PARP14: variants seen among roughly 807,000 people sequenced by gnomAD.
PARP14 encodes the protein poly(ADP-ribose) polymerase family member 14, also known as protein mono-ADP-ribosyltransferase PARP14.
In PARP14, 59 loss-of-function variants were observed where a neutral mutation model predicts 154.2. That is an observed-to-expected ratio of 0.38 (90% CI 0.31 to 0.48). PARP14 has a LOEUF of 0.48. Ranked by LOEUF, PARP14 falls within the 20% of genes least tolerant of loss-of-function variation. The pLI, the probability that PARP14 is intolerant of heterozygous loss-of-function variation, is 0.98. For missense variants in PARP14, 1,734 were observed against 2,131.6 expected, an observed-to-expected ratio of 0.81 and a Z score of 3.67; for synonymous variants, 720 against 780.5, an observed-to-expected ratio of 0.92 and a Z score of 1.29.
Position 122,728,732 on chromosome 3 carries a change from A to G in PARP14, c.*135A>G, listed in dbSNP as rs563023468. On this transcript the variant is annotated 3_prime_UTR_variant, in exon 17 of 17. Coordinates refer to ENST00000474629, the MANE Select transcript of PARP14 (RefSeq NM_017554.3). ...AGGATCATTCTTTGTCGCTGAAGTCAGTCTTTCTTCAGCTTCCCTTTCATA... is the reference window on the plus strand; with the variant it reads ...AGGATCATTCTTTGTCGCTGAAGTCGGTCTTTCTTCAGCTTCCCTTTCATA... 19 of 672,388 alleles carry G rather than the reference A, an allele frequency of 2.8e-5. No individual in the cohort carries two copies. The highest frequency in any genetic ancestry group is 2.5e-4 in the African/African-American group (14 of 56,154). 41.7% of individuals were successfully genotyped at this position (672,388 alleles called of 1,614,324 possible).
chr3:122,699,967 G>A lies in PARP14; in HGVS notation c.1413G>A (p.Met471Ile). The A allele has an allele frequency of 6.2e-7, 1 of 1,613,844 alleles. No homozygotes were observed. Among genetic ancestry groups the A allele is most frequent in the Non-Finnish European group, 8.5e-7 (1 of 1,179,776 alleles). ...KREEQSLKEK[M>I]IISPGRYFLL... ...AAGAGCAAAGTTTGAAGGAAAAAAT[G>A]ATCATTTCTCCAGGCAGGTATTTTC... The change falls in exon 6 of 17, where the codon ATG (methionine) becomes ATA (isoleucine). Residue 471 changes from methionine (M) to isoleucine (I), a missense_variant. By Grantham distance (10) the Met-to-Ile change is conservative (BLOSUM62 1). This residue lies in a region of PARP14 where 1,646 missense variants were observed against 1,976.0 expected (regional missense o/e 0.83). Coordinates refer to ENST00000474629, the MANE Select transcript of PARP14 (RefSeq NM_017554.3).
chr3:122,707,096 A>G (rs1271905490), intron 8 of PARP14, among the ~76,000 whole-genome samples: 3 of 152,182 alleles, frequency 2.0e-5, no homozygotes, highest in South Asian at 4.1e-4. Context: ...ATTTTATTCC[A>G]GCCTGCTTTT....
intron 3 of PARP14, among the ~76,000 whole-genome samples, 169 bp downstream of exon 3, chr3:122,687,282 G>A (rs1938402487): frequency 6.6e-6 from 1 of 152,234 alleles, no homozygotes; most frequent in Non-Finnish European, 1.5e-5. Context: ...CAGCTGTGCA[G>A]AGGGTGGCTT....
Position 122,728,221 on chromosome 3 carries a change from T to G in PARP14, c.5117-87T>G, listed in dbSNP as rs1226602285. On this transcript the variant is annotated intron_variant, in intron 16 of 16. Coordinates refer to ENST00000474629, the MANE Select transcript of PARP14 (RefSeq NM_017554.3). ...ACACAAAAAATTTTAAGAGAGGCTT[T>G]AGAAAGAACATTATTTAACAGATTG... 4.0e-6 allele frequency: 5 copies of G among 1,255,908 alleles called. No homozygotes were observed. The East Asian group carries it at 9.3e-5, about 23-fold the overall frequency. 77.8% of individuals were successfully genotyped at this position (1,255,908 alleles called of 1,614,324 possible).
In PARP14 at chr3:122,718,853, G is replaced by C. The variant is rs1170554061; in HGVS notation, c.4702G>C (p.Asp1568His). The part of the protein sequence containing the change: ...DARREKKKTV[D>H]VKINHRHYTV... The stretch of plus-strand genomic sequence containing the variant: ...AAGGAGAGAAAAGAAAAAAACAGTT[G>C]ATGTCAAAATTAATCATCGGCACTA... Residue 1568 changes from aspartate to histidine, a missense_variant, in exon 14 of 17, where the codon GAT (aspartate) becomes CAT (histidine). Around this residue, in one of 2 missense-constraint regions of PARP14, gnomAD observed 1,646 missense variants for 1,976.0 expected, o/e 0.83. Transcript: ENST00000474629. The C allele has an allele frequency of 6.2e-7, 1 of 1,613,928 alleles. No individual in the cohort carries two copies. Among genetic ancestry groups the C allele is most frequent in the Non-Finnish European group, 8.5e-7 (1 of 1,179,860 alleles).
At chr3:122,712,590 TCA>T (rs1328737108) in intron 9 of PARP14, among the ~76,000 whole-genome samples, 1 of 150,526 alleles carries the variant, frequency 6.6e-6, no homozygotes, top group Non-Finnish European at 1.5e-5. Context: ...TCTCACTCTG[TCA>T]CTCAAGCTGG....
chr3:122,719,652 C>G (rs778093644), intron 14 of PARP14, among the ~76,000 whole-genome samples: 1 of 152,158 alleles, frequency 6.6e-6, no homozygotes, highest in Non-Finnish European at 1.5e-5. Flanking sequence ...AACAGATTCC[C>G]GAGACTCTGA....
At chr3:122,725,099 TC>T (rs1460535188) in intron 15 of PARP14, among the ~76,000 whole-genome samples, 2 of 152,084 alleles carry the variant, frequency 1.3e-5, no homozygotes, top group Non-Finnish European at 1.5e-5. Context: ...CCACATTTCC[TC>T]CTTTTCTTTT....
chr3:122,729,820 T>C lies in PARP14; in HGVS notation c.*1223T>C, dbSNP rs1003441165. ...TCATTGTGAAACCCTTCCCCTGTGC[T>C]GAGATTAAATGAACTCTAAGATTAT... On this transcript the variant is annotated 3_prime_UTR_variant, in exon 17 of 17. Coordinates refer to ENST00000474629, the MANE Select transcript of PARP14 (RefSeq NM_017554.3). The C allele has an allele frequency of 6.6e-6, 1 of 152,336 alleles. No homozygotes were observed. Among genetic ancestry groups the C allele is most frequent in the Admixed American group, 6.5e-5 (1 of 15,304 alleles). The allele number at this position is 152,336 out of a possible 1,614,324, so 9.4% of individuals were successfully genotyped here. A position where few individuals can be genotyped will look rare whatever the true frequency, so the allele number is the denominator to read the frequency against.
At chr3:122,685,579 G>A (rs1443365478) in intron 2 of PARP14, among the ~76,000 whole-genome samples, 1 of 149,098 alleles carries the variant, frequency 6.7e-6, no homozygotes, top group Non-Finnish European at 1.5e-5. Context: ...GTATAATCTT[G>A]GCTCACTGCA....
intron 3 of PARP14, among the ~76,000 whole-genome samples, chr3:122,691,816 A>G (rs1938548598): frequency 6.6e-6 from 1 of 152,216 alleles, no homozygotes; most frequent in African/African-American, 2.4e-5. Context: ...GGCCAGGCAG[A>G]AAAGGGTATA....
In PARP14 at chr3:122,727,794, T is replaced by G. The variant is rs752641687; in HGVS notation, c.4942-18T>G. 6.4e-7 allele frequency: 1 copy of G among 1,552,750 alleles called. No homozygotes were observed. The highest frequency in any genetic ancestry group is 8.8e-7 in the Non-Finnish European group (1 of 1,136,976). ...TGCTCTTGGAACTGGCAGAATATTA[T>G]CCTTTATTAATTTGCAGATTGAGAG... On this transcript the variant is annotated intron_variant, in intron 15 of 16. Transcript: ENST00000474629.
At chr3:122,718,337 C>T (rs371210600) in intron 13 of PARP14, 22 bp from the exon 14 acceptor site, 3 of 1,610,906 alleles carry the variant, frequency 1.9e-6, no homozygotes, top group African/African-American at 2.7e-5. Context: ...TGTGAAATAC[C>T]TAATCTTCCT....
intron 8 of PARP14, among the ~76,000 whole-genome samples, chr3:122,706,445 A>T (rs1199071579): frequency 1.3e-5 from 2 of 152,228 alleles, no homozygotes; most frequent in Non-Finnish European, 2.9e-5. Context: ...AAAAAATTTC[A>T]ATCAGTTGCT....
intron 3 of PARP14, among the ~76,000 whole-genome samples, chr3:122,687,360 G>A (rs1013662306): frequency 6.6e-6 from 1 of 152,224 alleles, no homozygotes; most frequent in African/African-American, 2.4e-5. Flanking sequence ...GCAATAGAGG[G>A]GAGGGCAAAG....
At chr3:122,684,601 A>C (rs1938311294) in intron 1 of PARP14, among the ~76,000 whole-genome samples, 1 of 151,882 alleles carries the variant, frequency 6.6e-6, no homozygotes, top group South Asian at 2.1e-4. Context: ...CTAATCTATT[A>C]ATTTGTTCAT....
At chr3:122,710,945 T>C (rs1939304628) in intron 9 of PARP14, among the ~76,000 whole-genome samples, 1 of 152,080 alleles carries the variant, frequency 6.6e-6, no homozygotes, top group South Asian at 2.1e-4. Flanking sequence ...TTTTTTAACC[T>C]GAGACTTTAC....
chr3:122,683,071 A>G (rs1415147478), intron 1 of PARP14, among the ~76,000 whole-genome samples: 1 of 151,998 alleles, frequency 6.6e-6, no homozygotes, highest in African/African-American at 2.4e-5. Flanking sequence ...ACAAAAACAA[A>G]CAAACAAAAA....
Position 122,701,633 on chromosome 3 carries a change from A to C in PARP14, c.3079A>C (p.Lys1027Gln), listed in dbSNP as rs1231106782. The C allele has an allele frequency of 1.9e-6, 3 of 1,580,326 alleles. No individual in the cohort carries two copies. In the East Asian group the frequency reaches 6.8e-5, roughly 36 times the overall value. ...GGTGAAAGAGGGTGTGCAGAATGCTAAGGTGAGTGTCGCTTTTACAGAACA... is the reference window on the plus strand; with the variant it reads ...GGTGAAAGAGGGTGTGCAGAATGCTCAGGTGAGTGTCGCTTTTACAGAACA... ...LLVKEGVQNA[K>Q]TDVVVNSVPL... The change falls in exon 6 of 17, where the codon AAG becomes CAG. Residue 1027 changes from lysine to glutamine, a missense_variant and splice_region_variant. Coordinates refer to ENST00000474629, the MANE Select transcript of PARP14 (RefSeq NM_017554.3). The surrounding 1 kb of genome is among the most constrained non-coding windows in gnomAD (Gnocchi z 4.0).
Sources: allele counts gnomAD v4.1 joint callset (sites outside exome capture counted in the v4.1 genomes callset), GRCh38; gene constraint gnomAD v4.1.1; regional missense constraint gnomAD v4.1.1; non-coding constraint Gnocchi (gnomAD v3.1); transcripts MANE v1.5; gene names NCBI Gene and HGNC (gene_info 2026-07-23, HGNC 2026-07-21).